RTN4RL1: variants seen among roughly 807,000 people sequenced by gnomAD.
RTN4RL1 encodes reticulon 4 receptor like 1.
Under a neutral mutation model 25.6 loss-of-function variants are expected in RTN4RL1, and 7 were observed. The ratio of observed to expected loss-of-function variants is 0.27; its 90% confidence interval spans 0.16 to 0.51. RTN4RL1 has a LOEUF of 0.51. Ranked by LOEUF, RTN4RL1 falls within the 20% of genes least tolerant of loss-of-function variation. RTN4RL1 has a pLI of 0.97. For synonymous variants in RTN4RL1, 297 were observed against 288.2 expected (o/e 1.03, Z -0.31); for missense variants, 500 against 615.6 (o/e 0.81, Z 1.99).
intron 1 of RTN4RL1, among the ~76,000 whole-genome samples, chr17:1,977,198 A>C (rs535481658): frequency 6.6e-6 from 1 of 152,374 alleles, no homozygotes; most frequent in Non-Finnish European, 1.5e-5. Flanking sequence ...GAAGTGCAAA[A>C]ATAGTGCAGG....
In RTN4RL1 at chr17:2,024,203, T is replaced by G. The variant is rs551316581; in HGVS notation, c.13+650A>C. 3.8e-3 allele frequency among the ~76,000 whole-genome samples: 574 copies of G among 152,336 alleles called. 7 individuals carry two copies. The highest frequency in any genetic ancestry group is 0.013 in the African/African-American group (542 of 41,592). On this transcript the variant is annotated intron_variant, in intron 1 of 1. Transcript: ENST00000331238. Reference sequence around the variant, plus strand: ...AGCCAGCTGTCCTCAAGTTGAGCTGTGCACCGGTCGCGCACACTGGCGGCA... The same window carrying G: ...AGCCAGCTGTCCTCAAGTTGAGCTGGGCACCGGTCGCGCACACTGGCGGCA...
chr17:1,960,611 C>G (rs1381084939), intron 1 of RTN4RL1, among the ~76,000 whole-genome samples: 1 of 152,220 alleles, frequency 6.6e-6, no homozygotes, highest in Non-Finnish European at 1.5e-5. Flanking sequence ...GTACAATTCA[C>G]TGGCACGCAG....
intron 1 of RTN4RL1, among the ~76,000 whole-genome samples, chr17:1,990,670 C>T (rs1297760019): frequency 6.6e-6 from 1 of 152,178 alleles, no homozygotes; most frequent in Non-Finnish European, 1.5e-5. Context: ...CACTGCACTC[C>T]AGCCTGGGCA....
intron 1 of RTN4RL1, among the ~76,000 whole-genome samples, chr17:1,968,733 C>T (rs1275110861): frequency 6.6e-6 from 1 of 152,218 alleles, no homozygotes; most frequent in African/African-American, 2.4e-5. Flanking sequence ...CCCTGGGATG[C>T]CCCTCCTTCC....
intron 1 of RTN4RL1, among the ~76,000 whole-genome samples, chr17:2,002,336 A>T (rs1470135148): frequency 1.4e-5 from 2 of 146,734 alleles, no homozygotes; most frequent in East Asian, 4.1e-4. Flanking sequence ...TCTGTCGCCC[A>T]GGCTGGAGTG....
chr17:1,939,323 AG>A (rs1364440523), intron 1 of RTN4RL1, among the ~76,000 whole-genome samples: 10 of 152,038 alleles, frequency 6.6e-5, no homozygotes, highest in Non-Finnish European at 1.5e-4. Context: ...ACTGCACTCC[AG>A]CCTGGGCGAC....
intron 1 of RTN4RL1, among the ~76,000 whole-genome samples, chr17:1,945,424 T>C (rs1270734890): frequency 6.6e-6 from 1 of 152,180 alleles, no homozygotes; most frequent in Admixed American, 6.5e-5. Flanking sequence ...GGTTTCACCA[T>C]GTTGGCCAGG....
chr17:1,943,522 C>T (rs1246747242), intron 1 of RTN4RL1, among the ~76,000 whole-genome samples: 2 of 152,212 alleles, frequency 1.3e-5, no homozygotes, highest in Non-Finnish European at 2.9e-5. Context: ...GGCTCTGCAG[C>T]CCTCCCTCTC....
At chr17:2,024,772 C>T in intron 1 of RTN4RL1, 81 bp downstream of exon 1, 2 of 1,443,102 alleles carry the variant, frequency 1.4e-6, no homozygotes, top group Non-Finnish European at 1.9e-6. Context: ...GACCGGGAGC[C>T]CCGGCGCCGG....
In RTN4RL1 at chr17:1,937,339, G is replaced by C. The variant is rs557499761; in HGVS notation, c.483C>G (p.Ile161Met). ...LQYLYLQDNHIEYLQDDIFVD... is the reference protein window; with the variant it reads ...LQYLYLQDNHMEYLQDDIFVD... ...CGAAGATGTCGTCCTGGAGGTACTCGATGTGGTTGTCCTGCAGGTAGAGGT... is the reference window on the plus strand; with the variant it reads ...CGAAGATGTCGTCCTGGAGGTACTCCATGTGGTTGTCCTGCAGGTAGAGGT... Residue 161 changes from isoleucine (I) to methionine (M), a missense_variant, in exon 2 of 2, where the codon ATC (isoleucine) becomes ATG (methionine). Ile to Met is a conservative substitution (Grantham distance 10). Coordinates refer to ENST00000331238, the MANE Select transcript of RTN4RL1 (RefSeq NM_178568.4). 1.2e-6 allele frequency: 2 copies of C among 1,613,582 alleles called. No individual in the cohort carries two copies. Among genetic ancestry groups the C allele is most frequent in the African/African-American group, 1.3e-5 (1 of 74,930 alleles).
At chr17:1,986,249 A>G (rs951489967) in intron 1 of RTN4RL1, among the ~76,000 whole-genome samples, 4 of 151,862 alleles carry the variant, frequency 2.6e-5, no homozygotes, top group Non-Finnish European at 5.9e-5. Flanking sequence ...ATTATTGTGT[A>G]TTAATCCTCA....
chr17:1,973,109 T>C (rs2151313792), intron 1 of RTN4RL1, among the ~76,000 whole-genome samples: 1 of 152,288 alleles, frequency 6.6e-6, no homozygotes, highest in South Asian at 2.1e-4. Context: ...ATGCCTGTAA[T>C]CCCAGCACTT....
chr17:2,013,420 T>C (rs2067075356), intron 1 of RTN4RL1, among the ~76,000 whole-genome samples: 1 of 152,156 alleles, frequency 6.6e-6, no homozygotes, highest in Non-Finnish European at 1.5e-5. Context: ...AAGACTTGCA[T>C]TTCTTTGCCT....
intron 1 of RTN4RL1, among the ~76,000 whole-genome samples, chr17:2,002,507 T>C (rs1178012237): frequency 1.3e-5 from 2 of 150,786 alleles, no homozygotes; most frequent in Non-Finnish European, 2.9e-5. Flanking sequence ...TTAGCCAGGA[T>C]GGTCTCAATC....
intron 1 of RTN4RL1, among the ~76,000 whole-genome samples, chr17:1,971,056 T>G (rs988579578): frequency 6.6e-6 from 1 of 152,230 alleles, no homozygotes; most frequent in African/African-American, 2.4e-5. Context: ...CCAAACATCC[T>G]GCAAGGTAGA....
intron 1 of RTN4RL1, among the ~76,000 whole-genome samples, chr17:1,957,072 T>G (rs563578232): frequency 6.6e-6 from 1 of 152,314 alleles, no homozygotes; most frequent in East Asian, 1.9e-4. Flanking sequence ...CATGACTGTA[T>G]CTATTGATTC....
In RTN4RL1 at chr17:1,948,330, C is replaced by T. The variant is rs78547562; in HGVS notation, c.14-10522G>A. On this transcript the variant is annotated intron_variant, in intron 1 of 1. Transcript: ENST00000331238. ...TTTCCAGGGCTCATAAAATGTGTCC[C>T]GTTATGCAAATTTGCTCCCAGGTTT... Among the ~76,000 whole-genome samples the T allele has an allele frequency of 4.1e-4, 62 of 152,322 alleles. No homozygotes were observed. The East Asian group carries it at 9.8e-3, about 24-fold the overall frequency.
intron 1 of RTN4RL1, among the ~76,000 whole-genome samples, chr17:2,015,331 C>T (rs1365504167): frequency 1.3e-5 from 2 of 152,110 alleles, no homozygotes; most frequent in African/African-American, 4.8e-5. Context: ...GCCTTTGAGG[C>T]CACCAATGAG....
intron 1 of RTN4RL1, among the ~76,000 whole-genome samples, chr17:1,938,458 C>T (rs979884756): frequency 1.3e-5 from 2 of 151,738 alleles, no homozygotes; most frequent in African/African-American, 4.8e-5. Context: ...CGCACCATCA[C>T]GCCCAGGTAG....
Sources: gnomAD v4.1 joint callset for allele counts (sites outside exome capture counted in the v4.1 genomes callset) on GRCh38, gnomAD v4.1.1 for gene constraint, MANE v1.5 for transcripts, NCBI Gene and HGNC (gene_info 2026-07-23, HGNC 2026-07-21) for gene names.